The following SLC35E1 variants were observed in gnomAD, a reference collection of about 807,000 sequenced individuals.
SLC35E1 encodes solute carrier family 35 member E1, also known as solute carrier family 35, member E1.
SLC35E1 carries 12 observed loss-of-function variants against 31.0 expected under a neutral mutation model. The observed-to-expected ratio is 0.39, with a 90% CI of 0.25 to 0.63. The LOEUF (loss-of-function observed/expected upper bound fraction) is 0.63. Ranked by LOEUF, SLC35E1 falls within the 20% of genes least tolerant of loss-of-function variation. The pLI is 0.52. For missense variants in SLC35E1, 429 were observed against 572.2 expected, an observed-to-expected ratio of 0.75 and a Z score of 2.55; for synonymous variants, 257 against 264.1, an observed-to-expected ratio of 0.97 and a Z score of 0.26.
chr19:16,571,414 G>A, intron 2 of SLC35E1, 98 bp downstream of exon 2: 2 of 1,292,888 alleles, frequency 1.5e-6, no homozygotes, highest in Non-Finnish European at 2.2e-6. Context: ...CGGGAAGCCA[G>A]GCAGCCTGCA....
intron 4 of SLC35E1, among the ~76,000 whole-genome samples, chr19:16,561,749 C>T (rs994435787): frequency 6.6e-6 from 1 of 152,216 alleles, no homozygotes; most frequent in African/African-American, 2.4e-5. Context: ...GCTAACTAAC[C>T]TGCTGTCTGT....
At position 16,552,733 on chromosome 19, in the gene SLC35E1, C is replaced by T. The variant is rs900749590; in HGVS notation, c.*946G>A. On this transcript the variant is annotated 3_prime_UTR_variant, in exon 6 of 6. Transcript: ENST00000595753. ...GGGGACCAAGGCAAAAACACACACA[C>T]ACAACTACAAAATATTCCCTAGAAA... The T allele has an allele frequency of 2.6e-5, 4 of 152,192 alleles. No individual in the cohort carries two copies. The highest frequency in any genetic ancestry group is 9.7e-5 in the African/African-American group (4 of 41,442). 9.4% of individuals were successfully genotyped at this position (152,192 alleles called of 1,614,324 possible).
At position 16,550,909 on chromosome 19, in the gene SLC35E1, G is replaced by C. The variant is rs2085842046; in HGVS notation, c.*2770C>G. 1 of 152,120 alleles carries C rather than the reference G, an allele frequency of 6.6e-6. No homozygotes were observed. Among genetic ancestry groups the C allele is most frequent in the South Asian group, 2.1e-4 (1 of 4,826 alleles). 9.4% of individuals were successfully genotyped at this position (152,120 alleles called of 1,614,324 possible). ...TTATAAACCATAATAAAACCAGACA[G>C]TCATTTCCCGTCACCAGCAGATCTT... On this transcript the variant is annotated 3_prime_UTR_variant, in exon 6 of 6. Coordinates refer to ENST00000595753, the MANE Select transcript of SLC35E1 (RefSeq NM_024881.5).
chr19:16,552,318 C>A lies in SLC35E1; in HGVS notation c.*1361G>T, dbSNP rs571877577. ...TAAATACCAAAACGTGTCAGACAGG[C>A]ATCACCAGTGGGAACTTGGTTTTGT... On this transcript the variant is annotated 3_prime_UTR_variant, in exon 6 of 6. Coordinates refer to ENST00000595753, the MANE Select transcript of SLC35E1 (RefSeq NM_024881.5). 5.3e-5 allele frequency: 8 copies of A among 151,980 alleles called. No individual in the cohort carries two copies. Among genetic ancestry groups the A allele is most frequent in the African/African-American group, 1.9e-4 (8 of 41,492 alleles). 9.4% of individuals were successfully genotyped at this position (151,980 alleles called of 1,614,324 possible).
chr19:16,564,959 G>A (rs1489990998), intron 4 of SLC35E1: 8 of 346,392 alleles, frequency 2.3e-5, no homozygotes, highest in South Asian at 1.5e-4. Context: ...CACTACTTCA[G>A]CAGGTGGAGC....
intron 4 of SLC35E1, among the ~76,000 whole-genome samples, chr19:16,560,694 T>C (rs562968196): frequency 1.6e-4 from 23 of 143,212 alleles, no homozygotes; most frequent in African/African-American, 6.0e-4. Context: ...AAACCCCGTC[T>C]CTACTAAAAA....
In SLC35E1 at chr19:16,572,349, C is replaced by G. The variant is rs1285447227; in HGVS notation, c.16G>C (p.Val6Leu). The G allele has an allele frequency of 1.9e-6, 2 of 1,036,238 alleles. No homozygotes were observed. Among genetic ancestry groups the G allele is most frequent in the Non-Finnish European group, 2.3e-6 (2 of 860,296 alleles). 64.2% of individuals were successfully genotyped at this position (1,036,238 alleles called of 1,614,324 possible). Residue 6 changes from valine (V) to leucine (L), a missense_variant, in exon 1 of 6, where the codon GTG (valine) becomes CTG (leucine). Physicochemically the swap from Val to Leu is conservative, Grantham distance 32. Coordinates refer to ENST00000595753, the MANE Select transcript of SLC35E1 (RefSeq NM_024881.5). This position sits in a 1 kb window ranked among gnomAD's most constrained non-coding sequence, Gnocchi z 4.1. MAAAA[V>L]GAGHGAGGPG... ...CCCCCCGCGCCGTGGCCCGCGCCCA[C>G]CGCGGCCGCCGCCATCCTGCCCGAG...
At chr19:16,564,661 A>G (rs934592022) in intron 4 of SLC35E1, among the ~76,000 whole-genome samples, 1 of 152,156 alleles carries the variant, frequency 6.6e-6, no homozygotes, top group African/African-American at 2.4e-5. Context: ...ACAAACACAT[A>G]AAAGTTCACA....
In SLC35E1 at chr19:16,555,826, G is replaced by C. The variant is rs2085872704; in HGVS notation, c.757-429C>G. 1 of 182,316 alleles carries C rather than the reference G, an allele frequency of 5.5e-6. No individual in the cohort carries two copies. The highest frequency in any genetic ancestry group is 2.6e-5 in the African/African-American group (1 of 38,474). The allele number at this position is 182,316 out of a possible 1,614,324, so 11.3% of individuals were successfully genotyped here. ...AGTACCTGGTAATACGAAAGCCACG[G>C]GTCTGCACCTATTGCTGCGAGGATG... On this transcript the variant is annotated intron_variant, in intron 4 of 5. Transcript: ENST00000595753. This position sits in a 1 kb window ranked among gnomAD's most constrained non-coding sequence, Gnocchi z 4.1.
rs1056820937 is a variant in SLC35E1 at position 16,555,169 on chromosome 19, C to T, written c.985G>A (p.Val329Ile). The T allele has an allele frequency of 6.2e-7, 1 of 1,614,138 alleles. No individual in the cohort carries two copies. The highest frequency in any genetic ancestry group is 8.5e-7 in the Non-Finnish European group (1 of 1,180,026). Residue 329 changes from valine (V) to isoleucine (I), a missense_variant, in exon 5 of 6, where the codon GTC becomes ATC. Val to Ile is a conservative substitution (Grantham distance 29). Transcript: ENST00000595753. The surrounding 1 kb of genome is among the most constrained non-coding windows in gnomAD (Gnocchi z 4.1). ...ACTCTCACCTTGTTATAGAGGAAGACCCCCAGGATGGCGGTCATCATGCCC... is the reference window on the plus strand; with the variant it reads ...ACTCTCACCTTGTTATAGAGGAAGATCCCCAGGATGGCGGTCATCATGCCC... The part of the protein sequence containing the change: ...VLGMMTAILG[V>I]FLYNKTKYDA...
At chr19:16,564,449 G>C (rs1171492023) in intron 4 of SLC35E1, among the ~76,000 whole-genome samples, 2 of 152,108 alleles carry the variant, frequency 1.3e-5, no homozygotes, top group African/African-American at 4.8e-5. Context: ...GGGATTACAG[G>C]CGTGCACCAC....
chr19:16,563,138 T>A (rs1023078006), intron 4 of SLC35E1, among the ~76,000 whole-genome samples: 7 of 151,914 alleles, frequency 4.6e-5, no homozygotes, highest in African/African-American at 1.7e-4. Context: ...CTGGCCAAAA[T>A]GGAGAAACCC....
At position 16,570,954 on chromosome 19, in the gene SLC35E1, C is replaced by T. The variant is rs187513687; in HGVS notation, c.492+558G>A. The stretch of plus-strand genomic sequence containing the variant: ...CTATTAAAAATACAAAAAAATTAGC[C>T]AGGTGTGGTAGTGCACGTCTGTAGT... On this transcript the variant is annotated intron_variant, in intron 2 of 5. Coordinates refer to ENST00000595753, the MANE Select transcript of SLC35E1 (RefSeq NM_024881.5). 3.1e-3 allele frequency among the ~76,000 whole-genome samples: 474 copies of T among 152,084 alleles called. 2 individuals are homozygous for T. The highest frequency in any genetic ancestry group is 0.021 in the South Asian group (102 of 4,812).
At position 16,572,326 on chromosome 19, in the gene SLC35E1, CCCCGCGCCGTGG is replaced by C. The variant is rs2085964732; in HGVS notation, c.27_38del (p.His10_Gly13del). On this transcript the variant is annotated inframe_deletion, in exon 1 of 6. Coordinates refer to ENST00000595753, the MANE Select transcript of SLC35E1 (RefSeq NM_024881.5). The surrounding 1 kb of genome is among the most constrained non-coding windows in gnomAD (Gnocchi z 4.1). ...CACTGCTGCTCGCTGCGCCCGGGCC[CCCCGCGCCGTGG>C]CCCGCGCCCACCGCGGCCGCCGCCA... 2.4e-5 allele frequency: 29 copies of C among 1,194,462 alleles called. No individual in the cohort carries two copies. Among genetic ancestry groups the C allele is most frequent in the South Asian group, 1.2e-4 (3 of 25,340 alleles). The allele number at this position is 1,194,462 out of a possible 1,614,324, so 74.0% of individuals were successfully genotyped here.
Position 16,555,468 on chromosome 19 carries a change from G to A in SLC35E1, c.757-71C>T. On this transcript the variant is annotated intron_variant, in intron 4 of 5. Transcript: ENST00000595753. This position sits in a 1 kb window ranked among gnomAD's most constrained non-coding sequence, Gnocchi z 4.1. The stretch of plus-strand genomic sequence containing the variant: ...GACCCTGCCTCCCTGTATCCACCTG[G>A]CAGGGTTAGGGGAAGGGATGTGGAG... The A allele has an allele frequency of 6.4e-7, 1 of 1,571,188 alleles. No individual in the cohort carries two copies. The highest frequency in any genetic ancestry group is 1.2e-5 in the South Asian group (1 of 84,748).
chr19:16,557,825 T>C (rs1302916510), intron 4 of SLC35E1, among the ~76,000 whole-genome samples: 1 of 152,166 alleles, frequency 6.6e-6, no homozygotes, highest in Non-Finnish European at 1.5e-5. Context: ...TTGTTTTGTT[T>C]TGTTTTGAGA....
At chr19:16,567,484 G>A (rs1332009581) in intron 3 of SLC35E1, among the ~76,000 whole-genome samples, 1 of 152,204 alleles carries the variant, frequency 6.6e-6, no homozygotes, top group Non-Finnish European at 1.5e-5. Context: ...TCCAGCCTGG[G>A]CGACAGTGAG....
chr19:16,571,684 C>T, intron 1 of SLC35E1, 102 bp from the exon 2 acceptor site: 1 of 1,258,324 alleles, frequency 7.9e-7, no homozygotes, highest in East Asian at 2.3e-5. Context: ...CCCCTCACAC[C>T]TCTTCGCCCC....
chr19:16,557,017 C>T (rs1041944107), intron 4 of SLC35E1: 17 of 470,620 alleles, frequency 3.6e-5, no homozygotes, highest in Non-Finnish European at 7.1e-5. Flanking sequence ...TCATGTTGGG[C>T]CAGCCTGTTC....
Sources: gnomAD v4.1 joint callset for allele counts (sites outside exome capture counted in the v4.1 genomes callset) on GRCh38, gnomAD v4.1.1 for gene constraint, Gnocchi (gnomAD v3.1) non-coding constraint, MANE v1.5 for transcripts, NCBI Gene and HGNC (gene_info 2026-07-23, HGNC 2026-07-21) for gene names.